Variants in GALNT13 observed in about 807,000 individuals in gnomAD.
The protein encoded by GALNT13 is UDP-GalNAc:polypeptide N-acetylgalactosaminyltransferase 13.
In GALNT13, 28 loss-of-function variants were observed where a neutral mutation model predicts 64.2. That is an observed-to-expected ratio of 0.44 (90% CI 0.32 to 0.60). The LOEUF is 0.60. Ranked by LOEUF, GALNT13 falls within the 20% of genes least tolerant of loss-of-function variation. GALNT13 has a pLI of 0.05. For synonymous variants in GALNT13, 214 were observed against 224.6 expected (o/e 0.95, Z 0.42); for missense variants, 577 against 669.8 (o/e 0.86, Z 1.53).
the GALNT13 span, among the ~76,000 whole-genome samples, chr2:153,225,752 G>A: frequency 1.3e-5 from 2 of 151,962 alleles, no homozygotes; most frequent in African/African-American, 2.4e-5. Context: ...AAATTCTTGG[G>A]TATAAATCAA....
At chr2:154,141,554 C>G (rs1683261672) in intron 4 of GALNT13, among the ~76,000 whole-genome samples, 1 of 152,130 alleles carries the variant, frequency 6.6e-6, no homozygotes, top group Non-Finnish European at 1.5e-5. Context: ...TCAAACATCA[C>G]TAGGCAATAG....
At chr2:153,999,379 C>T (rs1275736348) in intron 3 of GALNT13, among the ~76,000 whole-genome samples, 1 of 151,750 alleles carries the variant, frequency 6.6e-6, no homozygotes, top group African/African-American at 2.4e-5. Flanking sequence ...AAGTGGGCAC[C>T]TTTGTCTTGT....
the GALNT13 span, among the ~76,000 whole-genome samples, chr2:153,823,593 A>G: frequency 6.6e-6 from 1 of 152,116 alleles, no homozygotes; most frequent in African/African-American, 2.4e-5. Flanking sequence ...TAGACCCCCA[A>G]CCTTCACCAT....
the GALNT13 span, among the ~76,000 whole-genome samples, chr2:153,336,941 T>A: frequency 2.0e-5 from 3 of 152,304 alleles, no homozygotes; most frequent in Admixed American, 6.5e-5. Flanking sequence ...TCTCATGAGA[T>A]CTGATGGGTT....
At chr2:153,164,870 G>T in the GALNT13 span, among the ~76,000 whole-genome samples, 1 of 152,114 alleles carries the variant, frequency 6.6e-6, no homozygotes, top group Non-Finnish European at 1.5e-5. Context: ...TTACCAGGTT[G>T]CCTGCCAAGG....
chr2:153,248,600 T>C, the GALNT13 span, among the ~76,000 whole-genome samples: 1 of 151,520 alleles, frequency 6.6e-6, no homozygotes, highest in African/African-American at 2.4e-5. Context: ...GATCACGAGG[T>C]CAGGAGATGG....
the GALNT13 span, among the ~76,000 whole-genome samples, chr2:153,481,121 C>T: frequency 2.0e-5 from 3 of 152,290 alleles, no homozygotes; most frequent in Middle Eastern, 3.4e-3. Flanking sequence ...TTTCCCCCAT[C>T]AGCTAGTTCA....
chr2:153,301,315 A>AAAAAAAAAAAAAAAG, the GALNT13 span, among the ~76,000 whole-genome samples: 3 of 141,244 alleles, frequency 2.1e-5, no homozygotes, highest in African/African-American at 7.8e-5. Flanking sequence ...TTCTCAAAAA[A>AAAAAAAAAAAAAAAG]AAAGAAAAAA....
the GALNT13 span, among the ~76,000 whole-genome samples, chr2:153,801,687 T>C: frequency 5.9e-5 from 9 of 152,312 alleles, no homozygotes; most frequent in South Asian, 1.9e-3. Context: ...ATAAACTAAA[T>C]GTGACACAGA....
the GALNT13 span, among the ~76,000 whole-genome samples, chr2:153,213,592 G>A: frequency 1.3e-5 from 2 of 152,174 alleles, no homozygotes; most frequent in African/African-American, 2.4e-5. Context: ...CAAATACTGT[G>A]CCTTGGTCTT....
chr2:153,862,970 T>C, the GALNT13 span, among the ~76,000 whole-genome samples: 1 of 152,244 alleles, frequency 6.6e-6, no homozygotes, highest in African/African-American at 2.4e-5. Context: ...TGAGTCATTC[T>C]TTTTTCATTT....
intron 4 of GALNT13, among the ~76,000 whole-genome samples, chr2:154,146,991 C>CTTT (rs1037705224): frequency 1.6e-4 from 25 of 152,058 alleles, no homozygotes; most frequent in Admixed American, 7.9e-4. Context: ...ATGTGTATGC[C>CTTT]TTTTTTCCGG....
intron 3 of GALNT13, among the ~76,000 whole-genome samples, chr2:154,077,405 T>C: frequency 6.6e-6 from 1 of 151,472 alleles, no homozygotes; most frequent in East Asian, 1.9e-4. Context: ...GATCATGAGG[T>C]CTGAATAGAA....
At chr2:153,386,148 A>T in the GALNT13 span, among the ~76,000 whole-genome samples, 2 of 152,088 alleles carry the variant, frequency 1.3e-5, no homozygotes, top group African/African-American at 4.8e-5. Context: ...GATTTGAATA[A>T]CTACTGCTGA....
the GALNT13 span, among the ~76,000 whole-genome samples, chr2:153,563,129 T>G: frequency 6.6e-6 from 1 of 152,076 alleles, no homozygotes. Context: ...CTCCTTGATA[T>G]CCTTTGTTTT....
intron 3 of GALNT13, among the ~76,000 whole-genome samples, chr2:154,062,907 G>C (rs1054533904): frequency 6.6e-6 from 1 of 151,576 alleles, no homozygotes; most frequent in Admixed American, 6.6e-5. Context: ...TTCATTAGGA[G>C]GAATTGCTTT....
chr2:153,117,233 A>G, the GALNT13 span, among the ~76,000 whole-genome samples: 1 of 152,170 alleles, frequency 6.6e-6, no homozygotes, highest in Non-Finnish European at 1.5e-5. Flanking sequence ...TAACAGTAAA[A>G]TGTTGGGATA....
At chr2:153,301,360 C>T in the GALNT13 span, among the ~76,000 whole-genome samples, 1 of 146,256 alleles carries the variant, frequency 6.8e-6, no homozygotes, top group Non-Finnish European at 1.5e-5. Context: ...GATTTCCTCC[C>T]ATGAACACCT....
the GALNT13 span, among the ~76,000 whole-genome samples, chr2:153,494,396 C>A: frequency 2.6e-5 from 4 of 151,898 alleles, no homozygotes; most frequent in African/African-American, 7.2e-5. Context: ...TGTGGTTTGG[C>A]AACAAAAGGA....
Sources: gnomAD v4.1 joint callset for allele counts (sites outside exome capture counted in the v4.1 genomes callset) on GRCh38, gnomAD v4.1.1 for gene constraint, MANE v1.5 for transcripts, NCBI Gene and HGNC (gene_info 2026-07-23, HGNC 2026-07-21) for gene names.